WSCD1: variants seen among roughly 807,000 people sequenced by gnomAD.
The protein encoded by WSCD1 is sialate:O-sulfotransferase 1.
Under a neutral mutation model 60.4 loss-of-function variants are expected in WSCD1, and 41 were observed. That is an observed-to-expected ratio of 0.68 (90% CI 0.53 to 0.88). The LOEUF is 0.88. Among genes scored for constraint, WSCD1 ranks in the 40% least tolerant of loss-of-function variants. The pLI is 0.00. For synonymous variants in WSCD1, 361 were observed against 332.5 expected, an observed-to-expected ratio of 1.09 and a Z score of -0.93; for missense variants, 784 against 796.2, an observed-to-expected ratio of 0.98 and a Z score of 0.18.
chr17:6,086,983 C>T (rs1361714797), intron 2 of WSCD1, among the ~76,000 whole-genome samples: 3 of 152,196 alleles, frequency 2.0e-5, no homozygotes, highest in African/African-American at 4.8e-5. Context: ...CCCCAGGTGA[C>T]ATGAATGAGC....
intron 2 of WSCD1, among the ~76,000 whole-genome samples, chr17:6,082,969 T>TA (rs1909375025): frequency 6.6e-6 from 1 of 152,150 alleles, no homozygotes; most frequent in Non-Finnish European, 1.5e-5. Flanking sequence ...GGAAGTTCCT[T>TA]CAGAAATCAT....
At chr17:6,073,831 A>G (rs1284713319) in intron 1 of WSCD1, among the ~76,000 whole-genome samples, 2 of 152,252 alleles carry the variant, frequency 1.3e-5, no homozygotes, top group Non-Finnish European at 2.9e-5. Flanking sequence ...TATTGCACAC[A>G]TGAAGACCAT....
At chr17:6,094,827 T>C (rs993178278) in intron 4 of WSCD1, among the ~76,000 whole-genome samples, 57 of 150,334 alleles carry the variant, frequency 3.8e-4, no homozygotes, top group African/African-American at 1.4e-3. Flanking sequence ...AGGAATGACT[T>C]ATGGAGAACT....
At position 6,123,717 on chromosome 17, in the gene WSCD1, AT is replaced by A. The variant is rs1265549235; in HGVS notation, c.*3059del. On this transcript the variant is annotated 3_prime_UTR_variant, in exon 9 of 9. Coordinates refer to ENST00000317744, the MANE Select transcript of WSCD1 (RefSeq NM_015253.2). ...AAATGTGATGACTCCAAAGGGGTTC[AT>A]TTCACTATAGGGAGAAATTGATTCG... The A allele has an allele frequency of 2.0e-5, 3 of 152,198 alleles. No homozygotes were observed. Among genetic ancestry groups the A allele is most frequent in the Non-Finnish European group, 2.9e-5 (2 of 68,038 alleles). 9.4% of individuals were successfully genotyped at this position (152,198 alleles called of 1,614,324 possible).
chr17:6,103,746 T>TG (rs1019677633), intron 5 of WSCD1, among the ~76,000 whole-genome samples: 3 of 152,118 alleles, frequency 2.0e-5, no homozygotes, highest in African/African-American at 7.2e-5. Flanking sequence ...GTGAATGCTG[T>TG]GGGGGTGGGA....
At chr17:6,081,328 C>T (rs1909258682) in intron 2 of WSCD1, among the ~76,000 whole-genome samples, 1 of 151,962 alleles carries the variant, frequency 6.6e-6, no homozygotes, top group East Asian at 1.9e-4. Context: ...AGCGCTCCGG[C>T]TTTGGATTCA....
chr17:6,088,528 G>C (rs1295150221), intron 3 of WSCD1, among the ~76,000 whole-genome samples: 2 of 152,228 alleles, frequency 1.3e-5, no homozygotes, highest in Non-Finnish European at 2.9e-5. Context: ...TCTCTGAGAG[G>C]ATCTTTCCAG....
intron 6 of WSCD1, among the ~76,000 whole-genome samples, chr17:6,109,976 A>G (rs1260817067): frequency 1.3e-5 from 2 of 152,176 alleles, no homozygotes; most frequent in Non-Finnish European, 2.9e-5. Context: ...GACTCACTTT[A>G]AAAAACACTG....
Position 6,080,823 on chromosome 17 carries a change from G to A in WSCD1, c.165G>A (p.Leu55=). Residue 55 remains leucine, a synonymous_variant, in exon 2 of 9, where the codon TTG becomes TTA. Transcript: ENST00000317744. The surrounding 1 kb of genome is among the most constrained non-coding windows in gnomAD (Gnocchi z 6.6). Reference sequence around the variant, plus strand: ...GGGCACCCGGCCCCCTGCAGACCTTGCCAGTGGCCGCCGTGGCGCTGGGCG... The same window carrying A: ...GGGCACCCGGCCCCCTGCAGACCTTACCAGTGGCCGCCGTGGCGCTGGGCG... ...GPRAPGPLQT[L]PVAAVALGVG... is the part of the protein sequence containing the mutation. 1 of 1,608,484 alleles carries A rather than the reference G, an allele frequency of 6.2e-7. No individual in the cohort carries two copies. Among genetic ancestry groups the A allele is most frequent in the Non-Finnish European group, 8.5e-7 (1 of 1,178,420 alleles).
At position 6,080,517 on chromosome 17, in the gene WSCD1, C is replaced by G. The variant is rs188205676; in HGVS notation, c.-142C>G. Reference sequence around the variant, plus strand: ...ACACCTACTGGAAACGGGGCAGGAACAGTGAGTGACCCCAGGCGAGCACAG... The same window carrying G: ...ACACCTACTGGAAACGGGGCAGGAAGAGTGAGTGACCCCAGGCGAGCACAG... On this transcript the variant is annotated 5_prime_UTR_variant, in exon 2 of 9. Coordinates refer to ENST00000317744, the MANE Select transcript of WSCD1 (RefSeq NM_015253.2). The surrounding 1 kb of genome is among the most constrained non-coding windows in gnomAD (Gnocchi z 6.6). The G allele has an allele frequency of 2.3e-5, 19 of 812,446 alleles. 2 individuals are homozygous for G. In the African/African-American group the frequency reaches 3.1e-4, roughly 13 times the overall value. 50.3% of individuals were successfully genotyped at this position (812,446 alleles called of 1,614,324 possible). A position where few individuals can be genotyped will look rare whatever the true frequency, so the allele number is the denominator to read the frequency against.
chr17:6,120,943 C>G lies in WSCD1; in HGVS notation c.*282C>G. On this transcript the variant is annotated 3_prime_UTR_variant, in exon 9 of 9. Transcript: ENST00000317744. ...CGTCTTGATGCAGAGAAGCCACCCA[C>G]GTGGGGTGTGCCAGGCACCCCCAGA... 2.1e-6 allele frequency: 1 copy of G among 469,366 alleles called. No homozygotes were observed. The highest frequency in any genetic ancestry group is 3.8e-6 in the Non-Finnish European group (1 of 260,570). 29.1% of individuals were successfully genotyped at this position (469,366 alleles called of 1,614,324 possible).
At chr17:6,099,226 G>A (rs1405325110) in intron 5 of WSCD1, among the ~76,000 whole-genome samples, 8 of 152,058 alleles carry the variant, frequency 5.3e-5, no homozygotes, top group East Asian at 1.9e-4. Context: ...CAGAAAAGGC[G>A]GCTTAAAGGG....
chr17:6,101,756 T>TCGG lies in WSCD1; in HGVS notation c.849+6535_849+6537dup, dbSNP rs1443548933. On this transcript the variant is annotated intron_variant, in intron 5 of 8. Coordinates refer to ENST00000317744, the MANE Select transcript of WSCD1 (RefSeq NM_015253.2). This position sits in a 1 kb window ranked among gnomAD's most constrained non-coding sequence, Gnocchi z 4.1. The stretch of plus-strand genomic sequence containing the variant: ...ATTCTCAGTCCCCTTCAGGATCCTA[T>TCGG]CGGCTCCTTTGTTTCAACGCAAGGC... Among the ~76,000 whole-genome samples the TCGG allele has an allele frequency of 7.2e-5, 11 of 152,190 alleles. No individual in the cohort carries two copies. Among genetic ancestry groups the TCGG allele is most frequent in the Non-Finnish European group, 1.0e-4 (7 of 68,050 alleles).
intron 1 of WSCD1, among the ~76,000 whole-genome samples, chr17:6,078,312 A>G (rs1490670319): frequency 6.6e-6 from 1 of 152,222 alleles, no homozygotes; most frequent in African/African-American, 2.4e-5. Flanking sequence ...CGACAAGTAG[A>G]TGGACAGTTC....
chr17:6,083,109 A>T (rs1909386964), intron 2 of WSCD1, among the ~76,000 whole-genome samples: 1 of 152,210 alleles, frequency 6.6e-6, no homozygotes, highest in African/African-American at 2.4e-5. Context: ...GCAACACACC[A>T]AGAGACTGGG....
Position 6,095,292 on chromosome 17 carries a change from A to G in WSCD1, c.849+69A>G, listed in dbSNP as rs1910348944. ...TGTGGTGGTCCTGAGAGAGGGGGGCACATGTGCTGGGCTGCGGGTGTCCCC... is the reference window on the plus strand; with the variant it reads ...TGTGGTGGTCCTGAGAGAGGGGGGCGCATGTGCTGGGCTGCGGGTGTCCCC... On this transcript the variant is annotated intron_variant, in intron 5 of 8. Coordinates refer to ENST00000317744, the MANE Select transcript of WSCD1 (RefSeq NM_015253.2). The G allele has an allele frequency of 3.9e-6, 6 of 1,527,660 alleles. No homozygotes were observed. In the Admixed American group the frequency reaches 6.1e-5, roughly 16 times the overall value. 94.6% of individuals were successfully genotyped at this position (1,527,660 alleles called of 1,614,324 possible).
At chr17:6,119,146 C>G (rs1362303312) in intron 8 of WSCD1, among the ~76,000 whole-genome samples, 1 of 152,232 alleles carries the variant, frequency 6.6e-6, no homozygotes, top group Non-Finnish European at 1.5e-5. Context: ...ATCCCCCATC[C>G]CTAATACCAT....
In WSCD1 at chr17:6,081,321, G is replaced by A. The variant is rs182407014; in HGVS notation, c.427+236G>A. ...AGATGTTGTGAGCAGGTCACTTAGC[G>A]CTCCGGCTTTGGATTCAGACAGACA... is the stretch of plus-strand genomic sequence containing the variant. On this transcript the variant is annotated intron_variant, in intron 2 of 8. Coordinates refer to ENST00000317744, the MANE Select transcript of WSCD1 (RefSeq NM_015253.2). 4.3e-3 allele frequency among the ~76,000 whole-genome samples: 653 copies of A among 152,188 alleles called. 26 individuals are homozygous for A. Among genetic ancestry groups the A allele is most frequent in the Admixed American group, 0.039 (601 of 15,282 alleles).
intron 5 of WSCD1, among the ~76,000 whole-genome samples, chr17:6,100,875 G>A (rs762399926): frequency 1.3e-5 from 2 of 152,184 alleles, no homozygotes; most frequent in South Asian, 2.1e-4. Flanking sequence ...CCATATCCCC[G>A]TGGGGCTGAA....
Sources: allele counts gnomAD v4.1 joint callset (sites outside exome capture counted in the v4.1 genomes callset), GRCh38; gene constraint gnomAD v4.1.1; non-coding constraint Gnocchi (gnomAD v3.1); transcripts MANE v1.5; gene names NCBI Gene and HGNC (gene_info 2026-07-23, HGNC 2026-07-21).